Variants in PCSK5 observed in about 807,000 individuals in gnomAD.
PCSK5 encodes proprotein convertase subtilisin/kexin type 5.
PCSK5 carries 129 observed loss-of-function variants against 233.2 expected under a neutral mutation model. That is an observed-to-expected ratio of 0.55 (90% CI 0.48 to 0.64). The LOEUF is 0.64. Among genes scored for constraint, PCSK5 ranks in the 30% least tolerant of loss-of-function variants. The probability of loss-of-function intolerance (pLI) is 0.00; values close to 1 mark genes in which losing one functional copy is unlikely to be tolerated. For synonymous variants in PCSK5, 825 were observed against 879.2 expected, an observed-to-expected ratio of 0.94 and a Z score of 1.09; for missense variants, 2,076 against 2,430.1, an observed-to-expected ratio of 0.85 and a Z score of 3.06.
intron 9 of PCSK5, among the ~76,000 whole-genome samples, chr9:76,124,554 G>A (rs1005909786): frequency 3.8e-5 from 5 of 132,872 alleles, no homozygotes; most frequent in African/African-American, 1.4e-4. Flanking sequence ...CGATCGTCCC[G>A]GCCAACATGG....
At chr9:76,334,523 G>A (rs1195952552) in intron 34 of PCSK5, among the ~76,000 whole-genome samples, 1 of 152,134 alleles carries the variant, frequency 6.6e-6, no homozygotes, top group Non-Finnish European at 1.5e-5. Context: ...GTGAGGTTAG[G>A]AGTTTGAGAC....
At chr9:76,072,241 C>T (rs747531542) in intron 7 of PCSK5, among the ~76,000 whole-genome samples, 2 of 152,164 alleles carry the variant, frequency 1.3e-5, no homozygotes, top group Non-Finnish European at 2.9e-5. Context: ...CTCCAGGTAG[C>T]GTGAATACAT....
intron 5 of PCSK5, among the ~76,000 whole-genome samples, chr9:76,051,472 A>C (rs748114650): frequency 1.4e-4 from 21 of 152,168 alleles, no homozygotes; most frequent in Non-Finnish European, 2.9e-4. Context: ...AATATTTCTT[A>C]AGTGGTACTT....
chr9:76,355,208 C>T (rs1196743683), intron 37 of PCSK5, among the ~76,000 whole-genome samples: 1 of 152,170 alleles, frequency 6.6e-6, no homozygotes, highest in Non-Finnish European at 1.5e-5. Context: ...CGCGGTGGCT[C>T]ACGCCTGTAA....
chr9:76,060,605 C>T (rs1829993479), intron 5 of PCSK5, among the ~76,000 whole-genome samples: 1 of 151,924 alleles, frequency 6.6e-6, no homozygotes, highest in Non-Finnish European at 1.5e-5. Flanking sequence ...GTTCAAATTA[C>T]TAACTAATTA....
intron 32 of PCSK5, among the ~76,000 whole-genome samples, chr9:76,324,175 C>T (rs1829292951): frequency 6.6e-6 from 1 of 151,886 alleles, no homozygotes; most frequent in East Asian, 1.9e-4. Context: ...ATCCACCTGC[C>T]TCGCCCTTCC....
intron 1 of PCSK5, among the ~76,000 whole-genome samples, chr9:75,930,017 C>T (rs1014485824): frequency 2.6e-5 from 4 of 152,114 alleles, no homozygotes; most frequent in Non-Finnish European, 5.9e-5. Context: ...CATGTGCTAC[C>T]ACGCCCAGCT....
At chr9:76,146,521 C>G (rs1312181195) in intron 10 of PCSK5, among the ~76,000 whole-genome samples, 1 of 117,842 alleles carries the variant, frequency 8.5e-6, no homozygotes, top group African/African-American at 3.1e-5. Context: ...TGTATATATA[C>G]ATGTATGTAT....
intron 1 of PCSK5, among the ~76,000 whole-genome samples, chr9:75,916,505 G>A (rs1404638861): frequency 2.0e-5 from 3 of 152,162 alleles, no homozygotes. Context: ...ACTGGGGAAG[G>A]CAATTTAGCA....
rs774944486 is a variant in PCSK5 at position 76,189,643 on chromosome 9, T to C, written c.2523T>C (p.Ser841=). Reference sequence around the variant, plus strand: ...ATTTTTCTCATAGATGTGATATCAGTTGTTTGACGTGCAATGGCCCAGGAT... The same window carrying C: ...ATTTTTCTCATAGATGTGATATCAGCTGTTTGACGTGCAATGGCCCAGGAT... ...GYKSCKKCDI[S]CLTCNGPGFK... is the part of the protein sequence containing the mutation. Residue 841 remains serine, a synonymous_variant, in exon 20 of 38, where the codon AGT becomes AGC. Coordinates refer to ENST00000674117, the MANE Select transcript of PCSK5 (RefSeq NM_001372043.1). 48 of 1,607,712 alleles carry C rather than the reference T, an allele frequency of 3.0e-5. No homozygotes were observed. Among genetic ancestry groups the C allele is most frequent in the Non-Finnish European group, 3.9e-5 (46 of 1,174,436 alleles).
chr9:76,174,878 G>A, intron 13 of PCSK5, 108 bp from the exon 14 acceptor site: 1 of 925,918 alleles, frequency 1.1e-6, no homozygotes, highest in South Asian at 1.7e-5. Context: ...ATATCCATCT[G>A]CCTCCCACAG....
intron 5 of PCSK5, among the ~76,000 whole-genome samples, chr9:76,044,823 G>A (rs1587543859): frequency 1.3e-5 from 2 of 152,040 alleles, no homozygotes; most frequent in South Asian, 4.2e-4. Flanking sequence ...TTATTTTTTT[G>A]TGAAGGGGAC....
intron 2 of PCSK5, among the ~76,000 whole-genome samples, chr9:75,971,860 C>T (rs1825827456): frequency 6.6e-6 from 1 of 151,814 alleles, no homozygotes; most frequent in African/African-American, 2.4e-5. Context: ...AAAATTTTCT[C>T]ACATTTTGTA....
At chr9:76,170,357 A>C (rs1823279612) in intron 13 of PCSK5, among the ~76,000 whole-genome samples, 1 of 152,140 alleles carries the variant, frequency 6.6e-6, no homozygotes, top group African/African-American at 2.4e-5. Flanking sequence ...GGAAAAAGAA[A>C]CCCTTCTTGA....
At chr9:76,152,544 C>G (rs1429532301) in intron 10 of PCSK5, among the ~76,000 whole-genome samples, 1 of 152,096 alleles carries the variant, frequency 6.6e-6, no homozygotes, top group Non-Finnish European at 1.5e-5. Flanking sequence ...CAGAAAGGTC[C>G]TCTTTCACTT....
intron 10 of PCSK5, among the ~76,000 whole-genome samples, chr9:76,148,361 C>CT (rs1823536045): frequency 7.5e-6 from 1 of 133,546 alleles, no homozygotes; most frequent in African/African-American, 2.9e-5. Flanking sequence ...CCCTCTCTCT[C>CT]CCTCTCTCTC....
chr9:76,159,446 A>G (rs540714599), intron 12 of PCSK5, among the ~76,000 whole-genome samples: 1 of 152,364 alleles, frequency 6.6e-6, no homozygotes, highest in East Asian at 1.9e-4. Flanking sequence ...ATTGCAGAGC[A>G]CTAACTCGTA....
intron 10 of PCSK5, among the ~76,000 whole-genome samples, chr9:76,142,159 T>G (rs6560505): frequency 0.36 from 54,147 of 151,376 alleles, 10,376 homozygotes; most frequent in East Asian, 0.61. Context: ...TGTTTTAAAT[T>G]TTTAAAAGTA....
intron 22 of PCSK5, among the ~76,000 whole-genome samples, chr9:76,234,620 A>G (rs1416443818): frequency 6.6e-6 from 1 of 152,162 alleles, no homozygotes; most frequent in Non-Finnish European, 1.5e-5. Flanking sequence ...TATCTGTCAT[A>G]TTTTACTTCT....
Sources: allele counts gnomAD v4.1 joint callset (sites outside exome capture counted in the v4.1 genomes callset), GRCh38; gene constraint gnomAD v4.1.1; transcripts MANE v1.5; gene names NCBI Gene and HGNC (gene_info 2026-07-23, HGNC 2026-07-21).